LRRC3B: variants seen among roughly 807,000 people sequenced by gnomAD.
LRRC3B encodes leucine rich repeat containing 3B, also known as leucine-rich repeat-containing protein 3B.
A neutral mutation model predicts 12.8 loss-of-function variants in LRRC3B; 2 were observed. The observed-to-expected ratio is 0.16, with a 90% confidence interval of 0.06 to 0.49. LRRC3B has a LOEUF of 0.49. LRRC3B is among the 20% of genes least tolerant of loss of function. LRRC3B has a pLI of 0.96. For synonymous variants in LRRC3B, 132 were observed against 122.0 expected, an observed-to-expected ratio of 1.08 and a Z score of -0.54; for missense variants, 189 against 319.4, an observed-to-expected ratio of 0.59 and a Z score of 3.11.
At chr3:26,637,022 G>A (rs569258758) in intron 1 of LRRC3B, among the ~76,000 whole-genome samples, 9 of 115,780 alleles carry the variant, frequency 7.8e-5, no homozygotes, top group Non-Finnish European at 1.7e-4. Flanking sequence ...CTTTTGAGAC[G>A]GAGTCTAACT....
intron 1 of LRRC3B, among the ~76,000 whole-genome samples, chr3:26,638,518 G>T (rs1698952005): frequency 1.3e-5 from 2 of 152,294 alleles, no homozygotes; most frequent in African/African-American, 4.8e-5. Flanking sequence ...CTGTCTCAAA[G>T]TGTGAATCAA....
chr3:26,668,490 A>T (rs1019946181), intron 1 of LRRC3B, among the ~76,000 whole-genome samples: 1 of 152,184 alleles, frequency 6.6e-6, no homozygotes, highest in African/African-American at 2.4e-5. Context: ...TGTGGAATGC[A>T]CATTTAGGTT....
intron 1 of LRRC3B, among the ~76,000 whole-genome samples, chr3:26,638,184 A>G (rs1480761589): frequency 6.6e-6 from 1 of 152,168 alleles, no homozygotes; most frequent in Non-Finnish European, 1.5e-5. Context: ...AAATTGACCA[A>G]TACTTGTTTC....
At chr3:26,705,825 C>T (rs1700572709) in intron 1 of LRRC3B, among the ~76,000 whole-genome samples, 1 of 152,148 alleles carries the variant, frequency 6.6e-6, no homozygotes, top group Non-Finnish European at 1.5e-5. Context: ...CCAACAGCCA[C>T]TGTTGACCTA....
chr3:26,696,349 C>A (rs918206404), intron 1 of LRRC3B, among the ~76,000 whole-genome samples: 10 of 151,912 alleles, frequency 6.6e-5, no homozygotes, highest in African/African-American at 2.4e-4. Context: ...TGTTTTTTAG[C>A]GCTATTTGTA....
chr3:26,708,546 T>C (rs6551131), intron 1 of LRRC3B, among the ~76,000 whole-genome samples: 88,655 of 152,010 alleles, frequency 0.58, 28,068 homozygotes, highest in African/African-American at 0.85. Flanking sequence ...CTTGTCTCCT[T>C]TGTGAACTGG....
chr3:26,682,761 T>C (rs1367356839), intron 1 of LRRC3B, among the ~76,000 whole-genome samples: 3 of 152,054 alleles, frequency 2.0e-5, no homozygotes, highest in African/African-American at 7.2e-5. Flanking sequence ...GTGGATAGTC[T>C]TCCCCTTCCC....
chr3:26,664,256 T>G (rs1350244972), intron 1 of LRRC3B, among the ~76,000 whole-genome samples: 1 of 152,066 alleles, frequency 6.6e-6, no homozygotes, highest in Non-Finnish European at 1.5e-5. Flanking sequence ...CATTCAGGAG[T>G]GAGCTTGGCC....
At chr3:26,630,649 T>C (rs1010340680) in intron 1 of LRRC3B, among the ~76,000 whole-genome samples, 2 of 152,204 alleles carry the variant, frequency 1.3e-5, no homozygotes, top group Non-Finnish European at 2.9e-5. Flanking sequence ...GTTTATGGCC[T>C]GTGTTCAAAT....
intron 1 of LRRC3B, among the ~76,000 whole-genome samples, chr3:26,631,027 C>G (rs1176902341): frequency 6.6e-6 from 1 of 152,126 alleles, no homozygotes; most frequent in Non-Finnish European, 1.5e-5. Flanking sequence ...AGGGAATTGG[C>G]TTTTTCTGCT....
intron 1 of LRRC3B, among the ~76,000 whole-genome samples, chr3:26,654,803 T>C (rs892804710): frequency 4.6e-5 from 7 of 152,160 alleles, no homozygotes; most frequent in Non-Finnish European, 1.0e-4. Flanking sequence ...AAGAATATTT[T>C]GTTTGTTTGT....
intron 1 of LRRC3B, among the ~76,000 whole-genome samples, chr3:26,695,056 G>A (rs1056718459): frequency 5.9e-5 from 9 of 152,060 alleles, no homozygotes; most frequent in Admixed American, 1.3e-4. Context: ...GTGTGTGTGT[G>A]TAGATGCTTC....
At chr3:26,671,039 G>A (rs1699710893) in intron 1 of LRRC3B, among the ~76,000 whole-genome samples, 1 of 108,448 alleles carries the variant, frequency 9.2e-6, no homozygotes, top group African/African-American at 4.0e-5. Context: ...TTTTTGAGAC[G>A]GAGTCTCGCT....
chr3:26,678,516 A>C (rs537577078), intron 1 of LRRC3B, among the ~76,000 whole-genome samples: 1 of 151,466 alleles, frequency 6.6e-6, no homozygotes, highest in African/African-American at 2.4e-5. Flanking sequence ...AAAAAAAAGT[A>C]GTAGGATTCC....
At chr3:26,648,216 A>T (rs1483267977) in intron 1 of LRRC3B, among the ~76,000 whole-genome samples, 1 of 152,042 alleles carries the variant, frequency 6.6e-6, no homozygotes, top group Non-Finnish European at 1.5e-5. Flanking sequence ...AGGGAAAGAA[A>T]GGGGATTTCA....
chr3:26,653,702 C>T (rs764315942), intron 1 of LRRC3B, among the ~76,000 whole-genome samples: 23 of 152,234 alleles, frequency 1.5e-4, no homozygotes, highest in Non-Finnish European at 2.4e-4. Context: ...TCTCTGAGTA[C>T]GGCTCAGGAC....
Position 26,671,413 on chromosome 3 carries a change from G to GAGAGAGAGAGAGACAC in LRRC3B, c.-160-38099_-160-38098insGAGAGAGAGAGACACA, listed in dbSNP as rs9331540. On this transcript the variant is annotated intron_variant, in intron 1 of 1. Transcript: ENST00000396641. ...AGAGAGAGAGAGAGAGAGAGAGAGA[G>GAGAGAGAGAGAGACAC]ACGAAGTCTTGCTCTGTCGCCAGGC... is the stretch of plus-strand genomic sequence containing the variant. Among the ~76,000 whole-genome samples the GAGAGAGAGAGAGACAC allele has an allele frequency of 1.4e-3, 135 of 99,366 alleles. 1 individual carries two copies. Among genetic ancestry groups the GAGAGAGAGAGAGACAC allele is most frequent in the Non-Finnish European group, 2.2e-3 (114 of 51,270 alleles). The allele number at this position is 99,366 out of a possible 152,430, so 65.2% of individuals were successfully genotyped here.
At chr3:26,671,358 A>ATATATATATATATATGTATG (rs1559361665) in intron 1 of LRRC3B, among the ~76,000 whole-genome samples, 1 of 69,200 alleles carries the variant, frequency 1.4e-5, no homozygotes, top group African/African-American at 6.2e-5. Context: ...GTGTATATAT[A>ATATATATATATATATGTATG]TATATATATA....
chr3:26,697,728 A>G (rs1700354276), intron 1 of LRRC3B, among the ~76,000 whole-genome samples: 1 of 152,158 alleles, frequency 6.6e-6, no homozygotes, highest in Non-Finnish European at 1.5e-5. Context: ...TCATCTAAAT[A>G]TCACCCCAAA....
Sources: allele counts gnomAD v4.1 joint callset (sites outside exome capture counted in the v4.1 genomes callset), GRCh38; gene constraint gnomAD v4.1.1; transcripts MANE v1.5; gene names NCBI Gene and HGNC (gene_info 2026-07-23, HGNC 2026-07-21).